The following PPP2R3A variants were observed in gnomAD, a reference collection of about 807,000 sequenced individuals.
PPP2R3A encodes the protein protein phosphatase 2 regulatory subunit B''alpha, also known as serine/threonine-protein phosphatase 2A regulatory subunit B'' subunit alpha.
Under a neutral mutation model 106.9 loss-of-function variants are expected in PPP2R3A, and 80 were observed. That is an observed-to-expected ratio of 0.75 (90% CI 0.62 to 0.90). The LOEUF (loss-of-function observed/expected upper bound fraction) is 0.90, where lower values mean the gene tolerates loss of function less well. Among genes scored for constraint, PPP2R3A ranks in the 40% least tolerant of loss-of-function variants. The pLI is 0.00. For missense variants in PPP2R3A, 1,386 were observed against 1,350.4 expected (o/e 1.03, Z -0.41); for synonymous variants, 483 against 468.3 (o/e 1.03, Z -0.41).
chr3:136,054,281 T>C (rs35209948), intron 5 of PPP2R3A, among the ~76,000 whole-genome samples: 44,362 of 140,426 alleles, frequency 0.32, 7,635 homozygotes, highest in African/African-American at 0.45. Flanking sequence ...TTTTTTTGAG[T>C]TGGAGGCTCG....
chr3:136,105,250 C>T (rs1268526046), intron 12 of PPP2R3A, among the ~76,000 whole-genome samples: 1 of 152,180 alleles, frequency 6.6e-6, no homozygotes, highest in Non-Finnish European at 1.5e-5. Context: ...GGGCCTGTGG[C>T]AAACCACAAG....
At chr3:136,070,674 T>C (rs1351319205) in intron 6 of PPP2R3A, 122 bp downstream of exon 6, 2 of 690,890 alleles carry the variant, frequency 2.9e-6, no homozygotes, top group Non-Finnish European at 4.3e-6. Flanking sequence ...TTATTTCAAG[T>C]GGAAGGAAGC....
At chr3:136,105,246 G>A (rs1937485831) in intron 12 of PPP2R3A, among the ~76,000 whole-genome samples, 1 of 152,226 alleles carries the variant, frequency 6.6e-6, no homozygotes. Flanking sequence ...AGGCGGGCCT[G>A]TGGCAAACCA....
chr3:135,989,555 C>G (rs1933068695), intron 1 of PPP2R3A, among the ~76,000 whole-genome samples: 2 of 151,878 alleles, frequency 1.3e-5, no homozygotes, highest in African/African-American at 2.4e-5. Flanking sequence ...ATTCCAGATT[C>G]AGACATTATT....
intron 13 of PPP2R3A, among the ~76,000 whole-genome samples, chr3:136,131,684 C>T (rs895922134): frequency 2.0e-5 from 3 of 152,140 alleles, no homozygotes; most frequent in Admixed American, 1.3e-4. Flanking sequence ...AAGGATTATA[C>T]ATCATGCTGC....
intron 5 of PPP2R3A, among the ~76,000 whole-genome samples, chr3:136,060,784 A>G (rs1936050681): frequency 5.3e-5 from 8 of 152,172 alleles, no homozygotes; most frequent in Admixed American, 5.2e-4. Context: ...AGGATACAAA[A>G]TTTCAGCTAA....
At chr3:136,011,856 C>G (rs553972513) in intron 2 of PPP2R3A, among the ~76,000 whole-genome samples, 1 of 152,114 alleles carries the variant, frequency 6.6e-6, no homozygotes, top group Non-Finnish European at 1.5e-5. Flanking sequence ...ATCCAAGAGA[C>G]GTATTTGTCG....
At chr3:136,115,715 G>A (rs1206898620) in intron 13 of PPP2R3A, among the ~76,000 whole-genome samples, 2 of 151,630 alleles carry the variant, frequency 1.3e-5, no homozygotes, top group Admixed American at 6.6e-5. Flanking sequence ...GAAAAGGAAC[G>A]AACAAAGTCT....
intron 10 of PPP2R3A, among the ~76,000 whole-genome samples, chr3:136,095,923 A>T (rs992353740): frequency 6.6e-6 from 1 of 152,202 alleles, no homozygotes; most frequent in African/African-American, 2.4e-5. Flanking sequence ...ACTCAGCATC[A>T]CTTGAAAATA....
intron 6 of PPP2R3A, among the ~76,000 whole-genome samples, chr3:136,074,955 A>C (rs1445759811): frequency 6.6e-6 from 1 of 152,244 alleles, no homozygotes; most frequent in Non-Finnish European, 1.5e-5. Context: ...TTAACCAAAG[A>C]GTGAATTAGA....
chr3:136,111,070 A>C (rs1937584582), intron 13 of PPP2R3A, among the ~76,000 whole-genome samples: 1 of 152,224 alleles, frequency 6.6e-6, no homozygotes, highest in Non-Finnish European at 1.5e-5. Context: ...TATACCACAG[A>C]ATATCTCTGA....
chr3:136,034,327 G>A (rs890016739), intron 3 of PPP2R3A, among the ~76,000 whole-genome samples: 12 of 152,156 alleles, frequency 7.9e-5, no homozygotes, highest in South Asian at 4.1e-4. Context: ...GAGCCACTGC[G>A]CCCAGCCCAG....
At chr3:136,000,410 A>C (rs1933576010) in intron 1 of PPP2R3A, among the ~76,000 whole-genome samples, 1 of 152,222 alleles carries the variant, frequency 6.6e-6, no homozygotes, top group African/African-American at 2.4e-5. Flanking sequence ...AAGAATGATT[A>C]AGTAAATTCT....
intron 2 of PPP2R3A, among the ~76,000 whole-genome samples, chr3:136,019,280 A>G (rs1934380769): frequency 2.0e-5 from 3 of 152,210 alleles, no homozygotes. Context: ...GAAAACTTTT[A>G]CAGTGGCTCT....
chr3:136,137,982 G>A (rs1440350621), intron 13 of PPP2R3A, among the ~76,000 whole-genome samples: 2 of 152,200 alleles, frequency 1.3e-5, no homozygotes, highest in African/African-American at 4.8e-5. Flanking sequence ...CCTCAGTGAG[G>A]TGGGAGAATG....
At chr3:136,102,818 G>A (rs1156746660) in intron 11 of PPP2R3A, among the ~76,000 whole-genome samples, 1 of 152,104 alleles carries the variant, frequency 6.6e-6, no homozygotes, top group Non-Finnish European at 1.5e-5. Context: ...CAGCGAGACT[G>A]TATCTCTTTT....
At chr3:136,049,834 A>G (rs1294276269) in intron 5 of PPP2R3A, among the ~76,000 whole-genome samples, 3 of 152,224 alleles carry the variant, frequency 2.0e-5, no homozygotes, top group Non-Finnish European at 2.9e-5. Flanking sequence ...TTATTTAAGT[A>G]CAGTTTTTAA....
chr3:136,075,195 A>G (rs530124298), intron 6 of PPP2R3A, among the ~76,000 whole-genome samples: 1 of 152,342 alleles, frequency 6.6e-6, no homozygotes, highest in South Asian at 2.1e-4. Flanking sequence ...CTGACTTACA[A>G]TTTAACTTAT....
chr3:135,967,889 G>A (rs1471536286), intron 1 of PPP2R3A, among the ~76,000 whole-genome samples: 1 of 152,168 alleles, frequency 6.6e-6, no homozygotes, highest in Non-Finnish European at 1.5e-5. Flanking sequence ...CATGTGCAGC[G>A]TAGGATGTTT....
Sources: allele counts gnomAD v4.1 joint callset (sites outside exome capture counted in the v4.1 genomes callset), GRCh38; gene constraint gnomAD v4.1.1; transcripts MANE v1.5; gene names NCBI Gene and HGNC (gene_info 2026-07-23, HGNC 2026-07-21).